Variants in CDK14 observed in about 807,000 individuals in gnomAD.
The protein encoded by CDK14 is cyclin-dependent kinase 14.
A neutral mutation model predicts 60.7 loss-of-function variants in CDK14; 34 were observed. That is an observed-to-expected ratio of 0.56 (90% confidence interval 0.43 to 0.75). CDK14 has a LOEUF of 0.75. Among genes scored for constraint, CDK14 ranks in the 30% least tolerant of loss-of-function variants. The pLI, the probability that CDK14 is intolerant of heterozygous loss-of-function variation, is 0.00. For synonymous variants in CDK14, 197 were observed against 203.7 expected (o/e 0.97, Z 0.28); for missense variants, 482 against 564.1 (o/e 0.85, Z 1.47).
rs1412896825 is a variant in CDK14 at position 91,208,010 on chromosome 7, T to C, written c.*874T>C. On this transcript the variant is annotated 3_prime_UTR_variant, in exon 15 of 15. Coordinates refer to ENST00000380050, the MANE Select transcript of CDK14 (RefSeq NM_001287135.2). ...CTGGAGAAAAGAGTGAGGAACAGAA[T>C]GTTTTAAATCTGGTGCAAAAGAACT... is the stretch of plus-strand genomic sequence containing the variant. 6.6e-6 allele frequency: 1 copy of C among 152,658 alleles called. No individual in the cohort carries two copies. Among genetic ancestry groups the C allele is most frequent in the Non-Finnish European group, 1.5e-5 (1 of 68,034 alleles). The allele number at this position is 152,658 out of a possible 1,614,324, so 9.5% of individuals were successfully genotyped here.
intron 5 of CDK14, among the ~76,000 whole-genome samples, chr7:90,823,234 A>T (rs1215214050): frequency 6.6e-6 from 1 of 152,204 alleles, no homozygotes; most frequent in Non-Finnish European, 1.5e-5. Flanking sequence ...TAACAGAGCC[A>T]AGCTACCAGA....
chr7:91,081,901 T>TA (rs367943174), intron 12 of CDK14, among the ~76,000 whole-genome samples: 3,110 of 151,038 alleles, frequency 0.021, 41 homozygotes, highest in African/African-American at 0.04. Context: ...AAATATATAT[T>TA]AAAAAAAAAG....
intron 12 of CDK14, among the ~76,000 whole-genome samples, chr7:91,094,521 A>G (rs1031804450): frequency 2.6e-5 from 4 of 152,112 alleles, no homozygotes; most frequent in African/African-American, 4.8e-5. Flanking sequence ...GTATCATCTC[A>G]TTTAATCCCG....
chr7:91,005,760 G>A (rs1370635004), intron 10 of CDK14, among the ~76,000 whole-genome samples: 1 of 152,206 alleles, frequency 6.6e-6, no homozygotes, highest in East Asian at 1.9e-4. Context: ...ATTCCAAGGT[G>A]TGGCTGTTGT....
intron 8 of CDK14, among the ~76,000 whole-genome samples, chr7:90,944,904 G>A (rs1331132137): frequency 6.6e-6 from 1 of 152,202 alleles, no homozygotes; most frequent in Non-Finnish European, 1.5e-5. Context: ...AGGAAGGGGA[G>A]GGCAAGTCAG....
chr7:90,822,484 C>T (rs979215087), intron 5 of CDK14, among the ~76,000 whole-genome samples: 1 of 152,120 alleles, frequency 6.6e-6, no homozygotes, highest in East Asian at 1.9e-4. Context: ...CTTGGAGTCT[C>T]TTCTCTGTGA....
intron 2 of CDK14, among the ~76,000 whole-genome samples, chr7:90,723,881 G>A (rs1179023956): frequency 2.6e-5 from 4 of 152,184 alleles, no homozygotes; most frequent in Non-Finnish European, 5.9e-5. Context: ...TCATGAGAGA[G>A]ATTGATCTGT....
rs144983209 is a variant in CDK14 at position 91,124,971 on chromosome 7, T to C, written c.*28+6763T>C. On this transcript the variant is annotated intron_variant, in intron 14 of 14. Coordinates refer to ENST00000380050, the MANE Select transcript of CDK14 (RefSeq NM_001287135.2). ...CTGTATTGTATTATTAATACCAGTA[T>C]AGCAGCTGAGTCCCACTAGACAGTC... Among the ~76,000 whole-genome samples, 381 of 152,304 alleles carry C rather than the reference T, an allele frequency of 2.5e-3. 2 individuals are homozygous for C. Among genetic ancestry groups the C allele is most frequent in the African/African-American group, 8.7e-3 (361 of 41,574 alleles).
chr7:91,063,679 T>C (rs1243778743), intron 11 of CDK14, among the ~76,000 whole-genome samples: 1 of 152,034 alleles, frequency 6.6e-6, no homozygotes, highest in Non-Finnish European at 1.5e-5. Context: ...ATATCGGGAG[T>C]TAGAGGAGCA....
intron 2 of CDK14, among the ~76,000 whole-genome samples, chr7:90,717,996 A>G (rs1221934863): frequency 6.6e-6 from 1 of 152,088 alleles, no homozygotes; most frequent in Non-Finnish European, 1.5e-5. Context: ...TTATATAAGA[A>G]TATATAATAA....
At position 90,917,696 on chromosome 7, in the gene CDK14, C is replaced by T; in HGVS notation, c.798C>T (p.Asp266=). ...AACCACAGAACCTTCTGATCAGTGA[C>T]ACGGGGGAGTTAAAGCTGGCAGATT... ...DLKPQNLLIS[D]TGELKLADFG... Residue 266 remains aspartate (D), a synonymous_variant, in exon 8 of 15, where the codon GAC becomes GAT. Coordinates refer to ENST00000380050, the MANE Select transcript of CDK14 (RefSeq NM_001287135.2). 6.2e-7 allele frequency: 1 copy of T among 1,613,378 alleles called. No homozygotes were observed. The highest frequency in any genetic ancestry group is 8.5e-7 in the Non-Finnish European group (1 of 1,179,508).
intron 14 of CDK14, among the ~76,000 whole-genome samples, chr7:91,188,186 T>C (rs550262436): frequency 1.8e-4 from 28 of 152,138 alleles, no homozygotes; most frequent in Non-Finnish European, 3.1e-4. Context: ...TGATTCATTT[T>C]TTTTTAAAAA....
chr7:90,780,809 A>G (rs1466061654), intron 4 of CDK14, among the ~76,000 whole-genome samples: 2 of 151,804 alleles, frequency 1.3e-5, no homozygotes, highest in South Asian at 2.1e-4. Context: ...TCATTGTTGG[A>G]CATTTGGGTT....
chr7:90,614,164 C>A (rs1799603973), intron 2 of CDK14, among the ~76,000 whole-genome samples: 1 of 151,984 alleles, frequency 6.6e-6, no homozygotes, highest in Admixed American at 6.6e-5. Context: ...GCGCCACCTG[C>A]CTGGCTAATT....
intron 8 of CDK14, among the ~76,000 whole-genome samples, chr7:90,928,551 G>A (rs1204322641): frequency 6.6e-6 from 1 of 152,184 alleles, no homozygotes. Flanking sequence ...ATTGCAGAAC[G>A]GCAGATGTTA....
intron 1 of CDK14, among the ~76,000 whole-genome samples, chr7:90,601,813 G>A (rs1228652425): frequency 6.6e-6 from 1 of 151,966 alleles, no homozygotes; most frequent in Non-Finnish European, 1.5e-5. Flanking sequence ...GAGTGCAGTG[G>A]CGCAATCTTG....
intron 11 of CDK14, among the ~76,000 whole-genome samples, chr7:91,063,237 T>G (rs1797862603): frequency 1.3e-5 from 2 of 152,218 alleles, no homozygotes; most frequent in South Asian, 4.1e-4. Context: ...ACATAGCTCC[T>G]TCAAGACAAA....
At chr7:90,686,611 C>T (rs2116574657) in intron 2 of CDK14, among the ~76,000 whole-genome samples, 1 of 152,310 alleles carries the variant, frequency 6.6e-6, no homozygotes, top group South Asian at 2.1e-4. Context: ...TTAATCCTCA[C>T]TGTATCCCAT....
intron 2 of CDK14, among the ~76,000 whole-genome samples, chr7:90,673,977 A>G (rs1801149283): frequency 6.6e-6 from 1 of 152,168 alleles, no homozygotes; most frequent in African/African-American, 2.4e-5. Flanking sequence ...GCTTTTGTGG[A>G]GTGTTCAGTT....
Sources: gnomAD v4.1 joint callset for allele counts (sites outside exome capture counted in the v4.1 genomes callset) on GRCh38, gnomAD v4.1.1 for gene constraint, MANE v1.5 for transcripts, NCBI Gene and HGNC (gene_info 2026-07-23, HGNC 2026-07-21) for gene names.